Variants in EXOC2 observed in about 807,000 individuals in gnomAD.
The protein encoded by EXOC2 is exocyst complex component 2, also known as SEC5-like 1.
Under a neutral mutation model 131.8 loss-of-function variants are expected in EXOC2, and 70 were observed. That is an observed-to-expected ratio of 0.53 (90% CI 0.44 to 0.65). The LOEUF (loss-of-function observed/expected upper bound fraction) is 0.65. Among genes scored for constraint, EXOC2 ranks in the 30% least tolerant of loss-of-function variants. EXOC2 has a pLI of 0.00. For synonymous variants in EXOC2, 411 were observed against 398.4 expected, an observed-to-expected ratio of 1.03 and a Z score of -0.38; for missense variants, 923 against 1,108.6, an observed-to-expected ratio of 0.83 and a Z score of 2.38.
At chr6:565,483 G>A (rs1757924125) in intron 13 of EXOC2, among the ~76,000 whole-genome samples, 1 of 152,012 alleles carries the variant, frequency 6.6e-6, no homozygotes, top group African/African-American at 2.4e-5. Flanking sequence ...TCCCCTTAAT[G>A]TATGGAAAAC....
intron 11 of EXOC2, among the ~76,000 whole-genome samples, chr6:580,048 G>GCTT (rs1758803738): frequency 2.0e-5 from 3 of 146,790 alleles, no homozygotes. Flanking sequence ...AGTTTTTTTT[G>GCTT]TTTTTTTTTT....
intron 6 of EXOC2, among the ~76,000 whole-genome samples, chr6:616,930 G>A (rs1213932301): frequency 1.3e-5 from 2 of 151,724 alleles, no homozygotes; most frequent in Non-Finnish European, 2.9e-5. Context: ...TAGTAGAGAG[G>A]GAGGAGGGGG....
At chr6:570,630 T>C (rs148486356) in intron 13 of EXOC2, among the ~76,000 whole-genome samples, 272 of 152,320 alleles carry the variant, frequency 1.8e-3, no homozygotes, top group Non-Finnish European at 2.6e-3. Context: ...AACAGCAAAC[T>C]CTTACTTATC....
At chr6:615,176 G>T (rs911257224) in intron 6 of EXOC2, among the ~76,000 whole-genome samples, 1 of 103,780 alleles carries the variant, frequency 9.6e-6, no homozygotes. Context: ...AGTATATGTG[G>T]GTGTGGGTGT....
chr6:588,952 G>C (rs934127172), intron 11 of EXOC2, among the ~76,000 whole-genome samples: 2 of 152,174 alleles, frequency 1.3e-5, no homozygotes, highest in African/African-American at 4.8e-5. Context: ...CTGGTTATCA[G>C]ATATTTGAGG....
chr6:578,123 C>T (rs1758685630), intron 11 of EXOC2, among the ~76,000 whole-genome samples: 2 of 152,066 alleles, frequency 1.3e-5, no homozygotes, highest in Non-Finnish European at 2.9e-5. Flanking sequence ...CAAATAACTC[C>T]CACCACATGT....
intron 23 of EXOC2, among the ~76,000 whole-genome samples, chr6:512,951 T>C (rs7761186): frequency 0.062 from 9,390 of 152,260 alleles, 683 homozygotes; most frequent in East Asian, 0.27. Flanking sequence ...CCTGAATAAA[T>C]CCATGAGGTT....
chr6:594,383 G>C (rs539161014), intron 10 of EXOC2, among the ~76,000 whole-genome samples: 2 of 152,274 alleles, frequency 1.3e-5, no homozygotes, highest in South Asian at 4.1e-4. Context: ...GCATTTCAGC[G>C]TTCTCCCTAA....
chr6:547,968 T>G (rs1756950965), intron 22 of EXOC2, among the ~76,000 whole-genome samples: 2 of 152,234 alleles, frequency 1.3e-5, no homozygotes. Flanking sequence ...TTCTTTTACA[T>G]GCAATTCCTA....
At chr6:576,973 T>C in intron 11 of EXOC2, 91 bp from the exon 12 acceptor site, 2 of 1,198,748 alleles carry the variant, frequency 1.7e-6, no homozygotes, top group Non-Finnish European at 2.3e-6. Context: ...CTGAGGCTAT[T>C]TCTTGCTCAA....
At position 572,239 on chromosome 6, in the gene EXOC2, G is replaced by A. The variant is rs539212533; in HGVS notation, c.1443+281C>T. Among the ~76,000 whole-genome samples, 3 of 152,272 alleles carry A rather than the reference G, an allele frequency of 2.0e-5. No individual in the cohort carries two copies. The South Asian group carries it at 6.2e-4, about 32-fold the overall frequency. ...TTCGGAGTCCCTGAAAAGAGTTCGA[G>A]CTTTCTTTTTTCTTTAATTGCCTAT... On this transcript the variant is annotated intron_variant, in intron 13 of 27. Coordinates refer to ENST00000230449, the MANE Select transcript of EXOC2 (RefSeq NM_018303.6).
chr6:567,874 G>A (rs1222523385), intron 13 of EXOC2, among the ~76,000 whole-genome samples: 1 of 152,224 alleles, frequency 6.6e-6, no homozygotes, highest in Non-Finnish European at 1.5e-5. Context: ...CCGGGAGGCA[G>A]ATCTGCCAGG....
intron 13 of EXOC2, among the ~76,000 whole-genome samples, chr6:570,196 C>G (rs846162): frequency 0.95 from 142,339 of 149,382 alleles, 67,921 homozygotes; most frequent in East Asian, 1. Flanking sequence ...TGTGGTGGCG[C>G]GATCTCGGCT....
At chr6:492,408 C>T (rs185937253) in intron 25 of EXOC2, among the ~76,000 whole-genome samples, 1 of 152,284 alleles carries the variant, frequency 6.6e-6, no homozygotes, top group African/African-American at 2.4e-5. Context: ...CCTTGGTATG[C>T]ACGCACGAGA....
intron 23 of EXOC2, among the ~76,000 whole-genome samples, chr6:529,120 C>T (rs6938144): frequency 6.7e-6 from 1 of 148,552 alleles, no homozygotes; most frequent in African/African-American, 2.4e-5. Context: ...CCTTTTACCC[C>T]CCCCCGCGCC....
chr6:689,315 T>C (rs1183927748), intron 1 of EXOC2: 3 of 152,170 alleles, frequency 2.0e-5, no homozygotes, highest in Non-Finnish European at 4.4e-5. Flanking sequence ...GGAATTAAGG[T>C]AAAGGATGTT....
chr6:608,601 T>G (rs1760550718), intron 7 of EXOC2, among the ~76,000 whole-genome samples: 1 of 152,086 alleles, frequency 6.6e-6, no homozygotes, highest in South Asian at 2.1e-4. Context: ...AAAGGCAATT[T>G]TTAATACCCC....
chr6:562,687 G>T, intron 17 of EXOC2, 97 bp downstream of exon 17: 1 of 732,854 alleles, frequency 1.4e-6, no homozygotes, highest in Non-Finnish European at 2.0e-6. Context: ...TCTATTTAGA[G>T]CTGCAACACA....
At chr6:488,812 G>A (rs1281874596) in intron 27 of EXOC2, among the ~76,000 whole-genome samples, 167 bp downstream of exon 27, 2 of 152,156 alleles carry the variant, frequency 1.3e-5, no homozygotes, top group East Asian at 1.9e-4. Context: ...TACAGGTGAC[G>A]AGATGTACCT....
Sources: gnomAD v4.1 joint callset for allele counts (sites outside exome capture counted in the v4.1 genomes callset) on GRCh38, gnomAD v4.1.1 for gene constraint, MANE v1.5 for transcripts, NCBI Gene and HGNC (gene_info 2026-07-23, HGNC 2026-07-21) for gene names.